KIF27: variants seen among roughly 807,000 people sequenced by gnomAD.
KIF27 encodes the protein kinesin-like protein KIF27.
A neutral mutation model predicts 141.8 loss-of-function variants in KIF27; 84 were observed. That is an observed-to-expected ratio of 0.59 (90% CI 0.50 to 0.71). The LOEUF (loss-of-function observed/expected upper bound fraction) is 0.71. Ranked by LOEUF, KIF27 falls within the 30% of genes least tolerant of loss-of-function variation. KIF27 has a pLI of 0.00. For missense variants in KIF27, 1,306 were observed against 1,628.4 expected, an observed-to-expected ratio of 0.80 and a Z score of 3.41; for synonymous variants, 471 against 569.5, an observed-to-expected ratio of 0.83 and a Z score of 2.46.
At chr9:83,875,048 T>G (rs1388148463) in intron 11 of KIF27, among the ~76,000 whole-genome samples, 2 of 151,730 alleles carry the variant, frequency 1.3e-5, no homozygotes, top group Non-Finnish European at 2.9e-5. Context: ...TTCTTTTCCC[T>G]AAGCATGGAT....
At chr9:83,863,534 T>A (rs1465089821) in intron 13 of KIF27, 1 of 152,224 alleles carries the variant, frequency 6.6e-6, no homozygotes, top group Non-Finnish European at 1.5e-5. Context: ...GCCCACTTGA[T>A]CATGGTGGAT....
chr9:83,902,462 G>T (rs1954019515), intron 4 of KIF27, among the ~76,000 whole-genome samples: 1 of 151,976 alleles, frequency 6.6e-6, no homozygotes. Context: ...TGAAAAGTGG[G>T]GAAATGTAAA....
Position 83,848,063 on chromosome 9 carries a change from T to TATG in KIF27, c.3556+2035_3556+2036insCAT, listed in dbSNP as rs1554764498. Among the ~76,000 whole-genome samples the TATG allele has an allele frequency of 6.7e-4, 7 of 10,402 alleles. 1 individual carries two copies. Among genetic ancestry groups the TATG allele is most frequent in the Admixed American group, 2.1e-3 (1 of 468 alleles). The allele number at this position is 10,402 out of a possible 152,430, so 6.8% of individuals were successfully genotyped here. A position where few individuals can be genotyped will look rare whatever the true frequency, so the allele number is the denominator to read the frequency against. Reference sequence around the variant, plus strand: ...TATATCTACATATATCTATATATCATATATATGATATATGATATATCATAT... The same window carrying TATG: ...TATATCTACATATATCTATATATCATATGATATATGATATATGATATATCATAT... On this transcript the variant is annotated intron_variant, in intron 16 of 17. Transcript: ENST00000297814.
intron 11 of KIF27, among the ~76,000 whole-genome samples, chr9:83,877,603 G>A (rs1435585696): frequency 6.6e-6 from 1 of 152,040 alleles, no homozygotes; most frequent in East Asian, 1.9e-4. Flanking sequence ...TTAGGCAATG[G>A]ATTCTTAGAC....
intron 11 of KIF27, among the ~76,000 whole-genome samples, chr9:83,877,650 T>A (rs1028129834): frequency 2.0e-5 from 3 of 152,014 alleles, no homozygotes; most frequent in Non-Finnish European, 4.4e-5. Flanking sequence ...AAGAAAAAAA[T>A]AGATAAATTG....
chr9:83,908,312 C>T (rs1336752068), intron 3 of KIF27, 140 bp downstream of exon 3: 6 of 427,116 alleles, frequency 1.4e-5, no homozygotes, highest in Admixed American at 4.1e-5. Flanking sequence ...TAAAGCTGTT[C>T]AATTTAAAAG....
chr9:83,854,871 C>A lies in KIF27; in HGVS notation c.3151-1036G>T, dbSNP rs953173996. Reference sequence around the variant, plus strand: ...CAGACTATCTTGTCCATCTGCACACCCTTATTGCCTAGCACAGTACCTATC... The same window carrying A: ...CAGACTATCTTGTCCATCTGCACACACTTATTGCCTAGCACAGTACCTATC... On this transcript the variant is annotated intron_variant, in intron 14 of 17. Coordinates refer to ENST00000297814, the MANE Select transcript of KIF27 (RefSeq NM_017576.4). 1.2e-4 allele frequency among the ~76,000 whole-genome samples: 18 copies of A among 152,238 alleles called. No individual in the cohort carries two copies. In the East Asian group the frequency reaches 3.5e-3, roughly 29 times the overall value.
intron 1 of KIF27, among the ~76,000 whole-genome samples, chr9:83,919,605 A>G (rs1339221492): frequency 6.6e-6 from 1 of 152,040 alleles, no homozygotes; most frequent in East Asian, 1.9e-4. Context: ...TGAAAAAAAA[A>G]AAACCATGGC....
At chr9:83,911,713 T>C (rs1400939336) in intron 2 of KIF27, among the ~76,000 whole-genome samples, 1 of 152,142 alleles carries the variant, frequency 6.6e-6, no homozygotes, top group Non-Finnish European at 1.5e-5. Context: ...GACTGGTTTT[T>C]TTGTATTTAT....
At position 83,903,469 on chromosome 9, in the gene KIF27, C is replaced by T; in HGVS notation, c.1049G>A (p.Ser350Asn). 1.2e-6 allele frequency: 2 copies of T among 1,614,120 alleles called. No individual in the cohort carries two copies. The highest frequency in any genetic ancestry group is 2.2e-5 in the East Asian group (1 of 44,890). Residue 350 changes from serine (S) to asparagine (N), a missense_variant, in exon 4 of 18, where the codon AGC becomes AAC. Physicochemically the swap from Ser to Asn is conservative, Grantham distance 46. Transcript: ENST00000297814. ...TTCATCTATACGGTCTGACTCGGGG[C>T]TGAAGTTTACAGTGGGTTTGTTTCT... ...NIRNKPTVNF[S>N]PESDRIDEME...
chr9:83,872,436 A>T (rs1045396740), intron 11 of KIF27, among the ~76,000 whole-genome samples: 1 of 152,240 alleles, frequency 6.6e-6, no homozygotes, highest in Non-Finnish European at 1.5e-5. Context: ...AAAGCTGGAC[A>T]GTTCACATAC....
intron 11 of KIF27, among the ~76,000 whole-genome samples, chr9:83,877,697 G>T (rs909293976): frequency 1.3e-5 from 2 of 151,978 alleles, no homozygotes; most frequent in African/African-American, 4.8e-5. Flanking sequence ...CATATCAAAG[G>T]ATATTATCAA....
intron 8 of KIF27, among the ~76,000 whole-genome samples, chr9:83,887,509 A>G (rs1952219659): frequency 6.6e-6 from 1 of 152,164 alleles, no homozygotes; most frequent in Admixed American, 6.5e-5. Flanking sequence ...AAATTTCCAG[A>G]TGGAGAGAGG....
chr9:83,918,006 TCAAA>T (rs1187384729), intron 1 of KIF27, among the ~76,000 whole-genome samples: 1 of 152,144 alleles, frequency 6.6e-6, no homozygotes, highest in Admixed American at 6.6e-5. Context: ...AATGATTTTG[TCAAA>T]CAAAAATAAT....
At chr9:83,853,487 A>G (rs1948838039) in intron 15 of KIF27, 142 bp downstream of exon 15, 1 of 630,848 alleles carries the variant, frequency 1.6e-6, no homozygotes, top group Admixed American at 2.9e-5. Context: ...TTAGTTCTAT[A>G]AAGAGAAATC....
At chr9:83,844,256 G>C (rs375059484) in intron 16 of KIF27, among the ~76,000 whole-genome samples, 2 of 136,064 alleles carry the variant, frequency 1.5e-5, no homozygotes, top group African/African-American at 2.9e-5. Context: ...GCCTACTGTG[G>C]GACCTTGTGA....
At chr9:83,895,986 A>G (rs1321625931) in intron 5 of KIF27, among the ~76,000 whole-genome samples, 1 of 138,612 alleles carries the variant, frequency 7.2e-6, no homozygotes, top group Non-Finnish European at 1.5e-5. Flanking sequence ...TAGGAGGCAG[A>G]GGTTACAGTG....
intron 13 of KIF27, among the ~76,000 whole-genome samples, chr9:83,863,308 A>G (rs1489468891): frequency 1.3e-5 from 2 of 152,090 alleles, no homozygotes; most frequent in East Asian, 3.9e-4. Context: ...TATTGGCTGT[A>G]GGTTTGTCAT....
At chr9:83,876,222 G>A (rs961810230) in intron 11 of KIF27, among the ~76,000 whole-genome samples, 1 of 152,066 alleles carries the variant, frequency 6.6e-6, no homozygotes, top group African/African-American at 2.4e-5. Flanking sequence ...CATCCCAGGT[G>A]AGTATAGAAT....
Sources: gnomAD v4.1 joint callset for allele counts (sites outside exome capture counted in the v4.1 genomes callset) on GRCh38, gnomAD v4.1.1 for gene constraint, MANE v1.5 for transcripts, NCBI Gene and HGNC (gene_info 2026-07-23, HGNC 2026-07-21) for gene names.